DIS3L2: variants seen among roughly 807,000 people sequenced by gnomAD.
The protein encoded by DIS3L2 is DIS3 like 3'-5' exoribonuclease 2.
Under a neutral mutation model 97.5 loss-of-function variants are expected in DIS3L2, and 34 were observed. The ratio of observed to expected loss-of-function variants is 0.35; its 90% CI spans 0.27 to 0.46. The LOEUF (loss-of-function observed/expected upper bound fraction) is 0.46. DIS3L2 is among the 20% of genes least tolerant of loss of function. The pLI is 1.00. For missense variants in DIS3L2, 1,038 were observed against 1,146.0 expected, an observed-to-expected ratio of 0.91 and a Z score of 1.36; for synonymous variants, 435 against 445.2, an observed-to-expected ratio of 0.98 and a Z score of 0.29.
In DIS3L2 at chr2:232,063,602, AT is replaced by A. The variant is rs550764188; in HGVS notation, c.367-23883del. Among the ~76,000 whole-genome samples, 18 of 152,168 alleles carry A rather than the reference AT, an allele frequency of 1.2e-4. No homozygotes were observed. The South Asian group carries it at 3.7e-3, about 32-fold the overall frequency. ...ATGACATCTTTTTTCATCACTATCC[AT>A]TCTCATGACCTATGCTGCATTCTGC... On this transcript the variant is annotated intron_variant, in intron 5 of 20. Coordinates refer to ENST00000325385, the MANE Select transcript of DIS3L2 (RefSeq NM_152383.5).
intron 15 of DIS3L2, 108 bp downstream of exon 15, chr2:232,330,104 C>T: frequency 7.4e-7 from 1 of 1,356,352 alleles, no homozygotes; most frequent in Non-Finnish European, 9.9e-7. Context: ...AGTCCCTCCC[C>T]TTCAGCCAGG....
chr2:232,255,986 C>A (rs1006523578), intron 12 of DIS3L2, among the ~76,000 whole-genome samples: 1 of 152,222 alleles, frequency 6.6e-6, no homozygotes, highest in Non-Finnish European at 1.5e-5. Context: ...GCTATTCTCT[C>A]TCACCTTGAC....
chr2:232,225,616 A>G (rs991322330), intron 10 of DIS3L2, among the ~76,000 whole-genome samples: 4 of 152,210 alleles, frequency 2.6e-5, no homozygotes, highest in South Asian at 2.1e-4. Flanking sequence ...AATTCTGCAT[A>G]CATTCTATTT....
intron 14 of DIS3L2, among the ~76,000 whole-genome samples, chr2:232,314,812 C>T (rs1372256952): frequency 6.6e-6 from 1 of 152,148 alleles, no homozygotes; most frequent in East Asian, 1.9e-4. Flanking sequence ...ACTCGGAGCT[C>T]TTTGATTTTC....
chr2:231,964,723 A>T (rs560130305), intron 1 of DIS3L2, among the ~76,000 whole-genome samples: 26 of 152,374 alleles, frequency 1.7e-4, no homozygotes, highest in African/African-American at 6.0e-4. Flanking sequence ...TTTATTAAGC[A>T]TCTACAGCAT....
At chr2:232,139,182 A>G (rs1026252797) in intron 8 of DIS3L2, among the ~76,000 whole-genome samples, 3 of 152,224 alleles carry the variant, frequency 2.0e-5, no homozygotes, top group Non-Finnish European at 4.4e-5. Flanking sequence ...AAATGGAGGA[A>G]GTCTCATGAG....
intron 1 of DIS3L2, among the ~76,000 whole-genome samples, chr2:232,013,822 G>A (rs1694278741): frequency 6.6e-6 from 1 of 152,122 alleles, no homozygotes; most frequent in African/African-American, 2.4e-5. Context: ...CAACTGGATT[G>A]GCTTTATCTG....
At chr2:232,241,475 A>AGT (rs1440707846) in intron 11 of DIS3L2, among the ~76,000 whole-genome samples, 1 of 152,268 alleles carries the variant, frequency 6.6e-6, no homozygotes, top group African/African-American at 2.4e-5. Flanking sequence ...GGAGTAGGAC[A>AGT]GTATACAGTG....
chr2:232,044,620 T>C (rs550204701), intron 5 of DIS3L2, among the ~76,000 whole-genome samples: 29 of 152,150 alleles, frequency 1.9e-4, no homozygotes, highest in South Asian at 4.2e-4. Flanking sequence ...GGATTTAGAG[T>C]TCAGAAGTCA....
chr2:232,086,882 G>A (rs1279886536), intron 5 of DIS3L2, among the ~76,000 whole-genome samples: 7 of 151,152 alleles, frequency 4.6e-5, no homozygotes, highest in Middle Eastern at 3.2e-3. Context: ...GAGTTTCACC[G>A]TGTTAGCCAG....
chr2:232,090,206 A>G (rs1696796137), intron 6 of DIS3L2, among the ~76,000 whole-genome samples: 1 of 152,114 alleles, frequency 6.6e-6, no homozygotes, highest in Non-Finnish European at 1.5e-5. Context: ...AAGCGCTGGG[A>G]TTACAGGTGT....
intron 1 of DIS3L2, among the ~76,000 whole-genome samples, chr2:231,981,905 G>A (rs780439511): frequency 1.7e-4 from 26 of 151,094 alleles, no homozygotes; most frequent in African/African-American, 1.9e-4. Flanking sequence ...ATCATGGTGC[G>A]TGCCTGTAAT....
intron 5 of DIS3L2, among the ~76,000 whole-genome samples, chr2:232,050,829 G>A (rs1036549082): frequency 2.0e-5 from 3 of 152,240 alleles, no homozygotes; most frequent in Admixed American, 6.5e-5. Flanking sequence ...GAAATCAGAT[G>A]TGTAGACAGA....
intron 13 of DIS3L2, among the ~76,000 whole-genome samples, chr2:232,288,357 G>T (rs1694501701): frequency 6.6e-6 from 1 of 152,212 alleles, no homozygotes; most frequent in Non-Finnish European, 1.5e-5. Flanking sequence ...AAATCGTAGA[G>T]CGTCTCTTCT....
intron 5 of DIS3L2, among the ~76,000 whole-genome samples, chr2:232,060,045 A>G (rs1348405349): frequency 6.6e-6 from 1 of 151,308 alleles, no homozygotes; most frequent in Admixed American, 6.6e-5. Flanking sequence ...AGTTGTTTGA[A>G]CTCCTTATAC....
At chr2:232,025,099 A>G (rs370240903) in intron 4 of DIS3L2, among the ~76,000 whole-genome samples, 78 of 152,290 alleles carry the variant, frequency 5.1e-4, no homozygotes, top group African/African-American at 8.2e-4. Context: ...TTTAGTTAAC[A>G]TATTTTATTA....
At chr2:232,021,469 G>A (rs779756648) in intron 3 of DIS3L2, among the ~76,000 whole-genome samples, 5 of 151,298 alleles carry the variant, frequency 3.3e-5, no homozygotes, top group Non-Finnish European at 7.4e-5. Flanking sequence ...TTGAGGTAGT[G>A]TCATTAGTAG....
chr2:231,994,455 A>T (rs937688644), intron 1 of DIS3L2, among the ~76,000 whole-genome samples: 1 of 152,154 alleles, frequency 6.6e-6, no homozygotes, highest in Non-Finnish European at 1.5e-5. Context: ...AAATGTATAA[A>T]TCAGTTTGGG....
At chr2:232,124,633 TAGA>T (rs933764373) in intron 6 of DIS3L2, among the ~76,000 whole-genome samples, 4 of 152,184 alleles carry the variant, frequency 2.6e-5, no homozygotes, top group South Asian at 2.1e-4. Flanking sequence ...ATTAGAGTTC[TAGA>T]AGAAGATGAG....
Sources: allele counts gnomAD v4.1 joint callset (sites outside exome capture counted in the v4.1 genomes callset), GRCh38; gene constraint gnomAD v4.1.1; transcripts MANE v1.5; gene names NCBI Gene and HGNC (gene_info 2026-07-23, HGNC 2026-07-21).